The following SEMA3D variants were observed in gnomAD, a reference collection of about 807,000 sequenced individuals.
SEMA3D encodes semaphorin-3D.
Under a neutral mutation model 100.1 loss-of-function variants are expected in SEMA3D, and 84 were observed. The ratio of observed to expected loss-of-function variants is 0.84; its 90% CI spans 0.70 to 1.01. The LOEUF is 1.01. Ranked by LOEUF, SEMA3D falls within the 50% of genes least tolerant of loss-of-function variation. The pLI, the probability that SEMA3D is intolerant of heterozygous loss-of-function variation, is 0.00. For missense variants in SEMA3D, 875 were observed against 934.1 expected, an observed-to-expected ratio of 0.94 and a Z score of 0.82; for synonymous variants, 312 against 320.7, an observed-to-expected ratio of 0.97 and a Z score of 0.29.
At chr7:85,016,529 A>C (rs1297564934) in intron 15 of SEMA3D, among the ~76,000 whole-genome samples, 1 of 151,366 alleles carries the variant, frequency 6.6e-6, no homozygotes, top group African/African-American at 2.4e-5. Flanking sequence ...AGAATTTTCT[A>C]ATCTATTTCC....
At chr7:85,147,017 C>T (rs1030414042) in intron 2 of SEMA3D, among the ~76,000 whole-genome samples, 1 of 150,574 alleles carries the variant, frequency 6.6e-6, no homozygotes, top group African/African-American at 2.4e-5. Context: ...ACCACAGTAT[C>T]AACATGAGAT....
intron 3 of SEMA3D, among the ~76,000 whole-genome samples, chr7:85,108,933 T>C (rs1031577553): frequency 6.6e-6 from 1 of 151,824 alleles, no homozygotes; most frequent in Non-Finnish European, 1.5e-5. Context: ...TTAACATGCA[T>C]TTACTTGAAA....
chr7:85,010,153 A>G (rs1319156415), intron 17 of SEMA3D, among the ~76,000 whole-genome samples: 1 of 151,834 alleles, frequency 6.6e-6, no homozygotes, highest in African/African-American at 2.4e-5. Flanking sequence ...CAATGAATGC[A>G]AACATACATA....
At chr7:85,080,213 C>T (rs1201580498) in intron 5 of SEMA3D, among the ~76,000 whole-genome samples, 1 of 152,084 alleles carries the variant, frequency 6.6e-6, no homozygotes, top group Non-Finnish European at 1.5e-5. Context: ...ATCATTTGAG[C>T]AGTATCTGTA....
At chr7:85,211,778 G>A in the SEMA3D span, among the ~76,000 whole-genome samples, 3 of 151,910 alleles carry the variant, frequency 2.0e-5, no homozygotes, top group Non-Finnish European at 2.9e-5. Context: ...TGAGAATGAA[G>A]ATCGTTGTGA....
chr7:85,075,388 T>C (rs1791893921), intron 5 of SEMA3D, among the ~76,000 whole-genome samples: 1 of 151,730 alleles, frequency 6.6e-6, no homozygotes, highest in Non-Finnish European at 1.5e-5. Flanking sequence ...CAGGGCAACA[T>C]TTTATACACA....
the SEMA3D span, among the ~76,000 whole-genome samples, chr7:85,225,017 T>C: frequency 7.2e-6 from 1 of 139,554 alleles, no homozygotes; most frequent in Non-Finnish European, 1.5e-5. Context: ...CTGTGGAGTT[T>C]CCTTTTTGAG....
chr7:85,232,580 G>A, the SEMA3D span, among the ~76,000 whole-genome samples: 4 of 152,196 alleles, frequency 2.6e-5, no homozygotes, highest in East Asian at 1.9e-4. Flanking sequence ...GTTTTATTGC[G>A]GACAAAATAG....
At chr7:85,232,686 T>C in the SEMA3D span, among the ~76,000 whole-genome samples, 1 of 152,222 alleles carries the variant, frequency 6.6e-6, no homozygotes, top group Non-Finnish European at 1.5e-5. Context: ...TCCTGAAATA[T>C]TGATAGTAGG....
At chr7:85,181,706 G>T in intron 1 of SEMA3D, 2 of 809,492 alleles carry the variant, frequency 2.5e-6, no homozygotes, top group Non-Finnish European at 1.5e-6. Context: ...AAGGAGGGGA[G>T]AAAAAGAAGG....
the SEMA3D span, among the ~76,000 whole-genome samples, chr7:85,234,307 T>C: frequency 6.6e-6 from 1 of 152,182 alleles, no homozygotes; most frequent in Non-Finnish European, 1.5e-5. Context: ...AGATCAGAAC[T>C]GGATGCACCT....
At chr7:85,250,045 G>C in the SEMA3D span, among the ~76,000 whole-genome samples, 2 of 152,106 alleles carry the variant, frequency 1.3e-5, no homozygotes, top group Non-Finnish European at 2.9e-5. Context: ...GCGAGGCATT[G>C]CCTCACTTGG....
intron 2 of SEMA3D, chr7:85,144,688 A>G: frequency 1.0e-6 from 1 of 985,256 alleles, no homozygotes; most frequent in Non-Finnish European, 1.2e-6. Context: ...CCAAAATTAA[A>G]GCTGTGTTTG....
At chr7:85,172,809 C>T (rs1465689857) in intron 1 of SEMA3D, among the ~76,000 whole-genome samples, 2 of 152,070 alleles carry the variant, frequency 1.3e-5, no homozygotes, top group Admixed American at 1.3e-4. Flanking sequence ...GGGCATGAGA[C>T]TGCACTATGG....
At chr7:85,099,131 C>T (rs557953645) in intron 3 of SEMA3D, among the ~76,000 whole-genome samples, 1 of 152,066 alleles carries the variant, frequency 6.6e-6, no homozygotes, top group South Asian at 2.1e-4. Context: ...CAGCCATAAA[C>T]ACCTGTGTGG....
At chr7:85,116,258 T>C (rs1583938479) in intron 3 of SEMA3D, among the ~76,000 whole-genome samples, 1 of 147,464 alleles carries the variant, frequency 6.8e-6, no homozygotes, top group East Asian at 2.0e-4. Context: ...ATTGTATATA[T>C]AATTGCATAT....
chr7:85,004,829 T>C (rs1045529611), intron 18 of SEMA3D, among the ~76,000 whole-genome samples: 1 of 152,016 alleles, frequency 6.6e-6, no homozygotes, highest in Non-Finnish European at 1.5e-5. Flanking sequence ...TTTACAAAGA[T>C]AAATGAAAAT....
intron 4 of SEMA3D, among the ~76,000 whole-genome samples, chr7:85,091,029 GA>G (rs1257842912): frequency 6.7e-6 from 1 of 148,300 alleles, no homozygotes. Flanking sequence ...AAGAGAAAAG[GA>G]AAGAAAGAAA....
At chr7:85,228,199 A>C in the SEMA3D span, among the ~76,000 whole-genome samples, 1 of 152,154 alleles carries the variant, frequency 6.6e-6, no homozygotes, top group Admixed American at 6.6e-5. Context: ...GAGGTTTTCT[A>C]TTCTTGTTTT....
Sources: allele counts gnomAD v4.1 joint callset (sites outside exome capture counted in the v4.1 genomes callset), GRCh38; gene constraint gnomAD v4.1.1; transcripts MANE v1.5; gene names NCBI Gene and HGNC (gene_info 2026-07-23, HGNC 2026-07-21).